Variants in UGT1A9 observed in about 807,000 individuals in gnomAD.
UGT1A9 encodes UDP glucuronosyltransferase family 1 member A9.
UGT1A9 carries 35 observed loss-of-function variants against 45.0 expected under a neutral mutation model. The observed-to-expected ratio is 0.78, with a 90% confidence interval of 0.59 to 1.03. The LOEUF is 1.03. Ranked by LOEUF, UGT1A9 falls within the 50% of genes least tolerant of loss-of-function variation. UGT1A9 has a pLI of 0.00. For synonymous variants in UGT1A9, 278 were observed against 250.6 expected (o/e 1.11, Z -1.03); for missense variants, 687 against 666.6 (o/e 1.03, Z -0.34).
At chr2:233,686,325 T>C (rs2074783481) in intron 1 of UGT1A9, among the ~76,000 whole-genome samples, 2 of 152,026 alleles carry the variant, frequency 1.3e-5, no homozygotes. Flanking sequence ...TTTATCAAAA[T>C]GTTTTTATAC....
intron 1 of UGT1A9, chr2:233,742,641 A>G (rs1692051746): frequency 1.3e-5 from 2 of 152,170 alleles, no homozygotes. Flanking sequence ...GTCCTAGTAT[A>G]CCACCGACCA....
intron 1 of UGT1A9, among the ~76,000 whole-genome samples, chr2:233,701,868 A>G: frequency 6.6e-6 from 1 of 152,170 alleles, no homozygotes; most frequent in Non-Finnish European, 1.5e-5. Flanking sequence ...AATTTATAGC[A>G]CTAAATGCCC....
Position 233,712,979 on chromosome 2 carries a change from G to A in UGT1A9, c.855+40190G>A, listed in dbSNP as rs45540735. The A allele has an allele frequency of 3.7e-5, 59 of 1,613,170 alleles. 1 individual carries two copies. In the East Asian group the frequency reaches 7.8e-4, roughly 21 times the overall value. On this transcript the variant is annotated intron_variant, in intron 1 of 4. Transcript: ENST00000354728. Reference sequence around the variant, plus strand: ...GTGGGGTGGACAGTCAGCTGTCGGTGGCTTCTGCTGAGATGGCCACAGGAC... The same window carrying A: ...GTGGGGTGGACAGTCAGCTGTCGGTAGCTTCTGCTGAGATGGCCACAGGAC...
At chr2:233,767,784 A>T in intron 2 of UGT1A9, 65 bp from the exon 3 acceptor site, 1 of 1,613,694 alleles carries the variant, frequency 6.2e-7, no homozygotes. Context: ...TAGTTAGTAT[A>T]GCAGATTTGT....
At chr2:233,705,031 G>T (rs10929285) in intron 1 of UGT1A9, among the ~76,000 whole-genome samples, 31,843 of 151,910 alleles carry the variant, frequency 0.21, 3,984 homozygotes, top group East Asian at 0.45. Flanking sequence ...AGCTACTCGG[G>T]AGGCTGAGGC....
chr2:233,693,391 C>T, intron 1 of UGT1A9: 1 of 1,614,172 alleles, frequency 6.2e-7, no homozygotes, highest in Non-Finnish European at 8.5e-7. Flanking sequence ...GCCAGAGCCT[C>T]CTGCAGGACA....
At chr2:233,711,197 T>A (rs2076167789) in intron 1 of UGT1A9, among the ~76,000 whole-genome samples, 1 of 152,222 alleles carries the variant, frequency 6.6e-6, no homozygotes, top group African/African-American at 2.4e-5. Flanking sequence ...CTCCCCACAG[T>A]CCTGCTCTCC....
intron 2 of UGT1A9, 140 bp downstream of exon 2, chr2:233,767,305 G>A (rs907806050): frequency 6.6e-7 from 1 of 1,518,864 alleles, no homozygotes; most frequent in Admixed American, 2.3e-5. Flanking sequence ...TAATCCAAAG[G>A]TTTTTTTTGT....
intron 1 of UGT1A9, among the ~76,000 whole-genome samples, chr2:233,700,325 CCT>C (rs1265202674): frequency 6.6e-6 from 1 of 152,188 alleles, no homozygotes; most frequent in Non-Finnish European, 1.5e-5. Flanking sequence ...TAAAATTCTG[CCT>C]CTCTTTCAAA....
At chr2:233,720,869 C>A (rs944438074) in intron 1 of UGT1A9, among the ~76,000 whole-genome samples, 12 of 119,508 alleles carry the variant, frequency 1.0e-4, no homozygotes, top group African/African-American at 3.8e-4. Flanking sequence ...CTGCTCCTGG[C>A]AATTTTTTTT....
chr2:233,713,670 G>C (rs200994534), intron 1 of UGT1A9: 39 of 1,613,840 alleles, frequency 2.4e-5, no homozygotes, highest in East Asian at 1.8e-4. Context: ...TTGCCATGCT[G>C]TTTCTGCTCC....
In UGT1A9 at chr2:233,716,181, C is replaced by G. The variant is rs375271371; in HGVS notation, c.855+43392C>G. Among the ~76,000 whole-genome samples the G allele has an allele frequency of 1.4e-4, 21 of 152,300 alleles. No homozygotes were observed. In the East Asian group the frequency reaches 3.9e-3, roughly 28 times the overall value. On this transcript the variant is annotated intron_variant, in intron 1 of 4. Transcript: ENST00000354728. Reference sequence around the variant, plus strand: ...GAGATGCAGTGCAGCATCTTCAAGTCTCTAATTCTTACATCTGTCTCTTTC... The same window carrying G: ...GAGATGCAGTGCAGCATCTTCAAGTGTCTAATTCTTACATCTGTCTCTTTC...
intron 1 of UGT1A9, among the ~76,000 whole-genome samples, chr2:233,717,328 C>T (rs2076563793): frequency 6.6e-6 from 1 of 152,198 alleles, no homozygotes; most frequent in Non-Finnish European, 1.5e-5. Context: ...TGTGTCCTCA[C>T]AAATCCCCAG....
intron 1 of UGT1A9, among the ~76,000 whole-genome samples, chr2:233,712,558 G>C (rs1453709402): frequency 6.6e-6 from 1 of 152,210 alleles, no homozygotes; most frequent in Admixed American, 6.5e-5. Flanking sequence ...AGTATTAAGA[G>C]TTAGCAAATA....
chr2:233,767,725 G>T (rs930138004), intron 2 of UGT1A9, 124 bp from the exon 3 acceptor site: 2 of 1,552,620 alleles, frequency 1.3e-6, no homozygotes, highest in South Asian at 1.2e-5. Flanking sequence ...CACAGTTACT[G>T]ATCCTCCCAC....
chr2:233,719,429 C>A, intron 1 of UGT1A9: 1 of 1,613,996 alleles, frequency 6.2e-7, no homozygotes, highest in Non-Finnish European at 8.5e-7. Context: ...CCAATTCAGA[C>A]CACATGACAT....
chr2:233,724,978 CT>C (rs879408503), intron 1 of UGT1A9, among the ~76,000 whole-genome samples: 4,867 of 144,460 alleles, frequency 0.034, 246 homozygotes, highest in African/African-American at 0.053. Context: ...TGGCGGATCA[CT>C]CGCGGTTAGG....
chr2:233,763,577 T>C (rs1698349758), intron 1 of UGT1A9, among the ~76,000 whole-genome samples: 1 of 152,236 alleles, frequency 6.6e-6, no homozygotes, highest in African/African-American at 2.4e-5. Context: ...TATTTTCTCT[T>C]TCTTCCTTTG....
At position 233,700,867 on chromosome 2, in the gene UGT1A9, C is replaced by A. The variant is rs971203472; in HGVS notation, c.855+28078C>A. ...AGGTATATCTCCTAATGCTATCCCT[C>A]CCTCCTCCCCCCACCCCACAACAGT... is the stretch of plus-strand genomic sequence containing the variant. On this transcript the variant is annotated intron_variant, in intron 1 of 4. Coordinates refer to ENST00000354728, the MANE Select transcript of UGT1A9 (RefSeq NM_021027.3). Among the ~76,000 whole-genome samples, 16 of 151,914 alleles carry A rather than the reference C, an allele frequency of 1.1e-4. No individual in the cohort carries two copies. The East Asian group carries it at 2.7e-3, about 26-fold the overall frequency.
Sources: allele counts gnomAD v4.1 joint callset (sites outside exome capture counted in the v4.1 genomes callset), GRCh38; gene constraint gnomAD v4.1.1; transcripts MANE v1.5; gene names NCBI Gene and HGNC (gene_info 2026-07-23, HGNC 2026-07-21).